The following HEBP1 variants were observed in gnomAD, a reference collection of about 807,000 sequenced individuals.
The protein encoded by HEBP1 is heme-binding protein 1.
HEBP1 carries 13 observed loss-of-function variants against 20.4 expected under a neutral mutation model. That is an observed-to-expected ratio of 0.64 (90% CI 0.42 to 1.01). HEBP1 has a LOEUF of 1.01. Among genes scored for constraint, HEBP1 ranks in the 50% least tolerant of loss-of-function variants. HEBP1 has a pLI of 0.00. For synonymous variants in HEBP1, 92 were observed against 90.7 expected (o/e 1.01, Z -0.08); for missense variants, 241 against 247.3 (o/e 0.97, Z 0.17).
At chr12:12,993,952 T>C (rs368316151) in intron 1 of HEBP1, among the ~76,000 whole-genome samples, 1 of 152,344 alleles carries the variant, frequency 6.6e-6, no homozygotes, top group South Asian at 2.1e-4. Context: ...GAGGTCAAGC[T>C]GACTTTGAGG....
intron 2 of HEBP1, among the ~76,000 whole-genome samples, chr12:12,987,614 C>CTCTCTCTCTCTCTCTCTCTCTCTCTT (rs1565493018): frequency 9.4e-5 from 8 of 84,780 alleles, no homozygotes; most frequent in Non-Finnish European, 2.6e-4. Flanking sequence ...CTCTCTCTTT[C>CTCTCTCTCTCTCTCTCTCTCTCTCTT]TCTCTCTCTC....
intron 1 of HEBP1, among the ~76,000 whole-genome samples, chr12:12,993,106 CTTTT>C (rs1018719147): frequency 7.1e-4 from 108 of 152,074 alleles, no homozygotes; most frequent in African/African-American, 2.6e-3. Context: ...CTCTGTCTTT[CTTTT>C]TTTCTTTCGT....
rs1864319738 is a variant in HEBP1 at position 12,998,755 on chromosome 12, G to A, written c.78+1282C>T. On this transcript the variant is annotated intron_variant, in intron 1 of 3. Transcript: ENST00000014930. This position sits in a 1 kb window ranked among gnomAD's most constrained non-coding sequence, Gnocchi z 4.2. ...CTTTCACAAATGAGGCATCGTATTG[G>A]GAGCTCTGTATACAGCTGCACTGTT... Among the ~76,000 whole-genome samples, 1 of 152,178 alleles carries A rather than the reference G, an allele frequency of 6.6e-6. No homozygotes were observed. The highest frequency in any genetic ancestry group is 2.1e-4 in the South Asian group (1 of 4,832).
chr12:12,978,424 A>G (rs1864028820), intron 3 of HEBP1, among the ~76,000 whole-genome samples: 1 of 151,930 alleles, frequency 6.6e-6, no homozygotes, highest in Admixed American at 6.6e-5. Context: ...GCTGGTCTCA[A>G]ACTCCTGACC....
At chr12:12,990,604 A>C (rs956932960) in intron 1 of HEBP1, among the ~76,000 whole-genome samples, 5 of 152,206 alleles carry the variant, frequency 3.3e-5, no homozygotes, top group Non-Finnish European at 7.3e-5. Context: ...TAATTGTAGG[A>C]AGGAATTCAG....
chr12:12,978,541 T>C (rs60455137), intron 3 of HEBP1, among the ~76,000 whole-genome samples: 6,515 of 151,938 alleles, frequency 0.043, 444 homozygotes, highest in African/African-American at 0.15. Flanking sequence ...CACGATCCAA[T>C]TGTGCTTTGG....
At position 12,975,125 on chromosome 12, in the gene HEBP1, G is replaced by A. The variant is rs1409539768; in HGVS notation, c.*183C>T. On this transcript the variant is annotated 3_prime_UTR_variant, in exon 4 of 4. Transcript: ENST00000014930. ...TATCTTGGCTGTATTATTTCCTACT[G>A]TGAGAAAAGAGACTTAGTATATGGA... is the stretch of plus-strand genomic sequence containing the variant. 9.3e-6 allele frequency: 5 copies of A among 540,394 alleles called. No homozygotes were observed. Among genetic ancestry groups the A allele is most frequent in the African/African-American group, 4.0e-5 (2 of 50,320 alleles). The allele number at this position is 540,394 out of a possible 1,614,324, so 33.5% of individuals were successfully genotyped here. A position where few individuals can be genotyped will look rare whatever the true frequency, so the allele number is the denominator to read the frequency against.
At chr12:12,980,456 G>C (rs117338536) in intron 3 of HEBP1, 1 of 152,142 alleles carries the variant, frequency 6.6e-6, no homozygotes, top group Non-Finnish European at 1.5e-5. Flanking sequence ...GAACATGAAG[G>C]GAAGGTATTA....
chr12:12,993,841 TA>T (rs1332263031), intron 1 of HEBP1, among the ~76,000 whole-genome samples: 1 of 152,154 alleles, frequency 6.6e-6, no homozygotes, highest in Non-Finnish European at 1.5e-5. Context: ...CATCTAATGA[TA>T]TTTTTAGGGG....
At chr12:12,988,519 G>A (rs1240679555) in intron 2 of HEBP1, among the ~76,000 whole-genome samples, 1 of 152,110 alleles carries the variant, frequency 6.6e-6, no homozygotes, top group African/African-American at 2.4e-5. Flanking sequence ...GCTAACACAC[G>A]TTTTTAGCTC....
intron 1 of HEBP1, among the ~76,000 whole-genome samples, chr12:12,997,587 C>G (rs564764830): frequency 1.3e-5 from 2 of 152,196 alleles, no homozygotes; most frequent in South Asian, 4.2e-4. Context: ...TTTTTATCTC[C>G]CAGTAGAGAC....
At position 12,998,183 on chromosome 12, in the gene HEBP1, T is replaced by C. The variant is rs187396824; in HGVS notation, c.78+1854A>G. Among the ~76,000 whole-genome samples the C allele has an allele frequency of 2.6e-5, 4 of 152,278 alleles. No individual in the cohort carries two copies. Among genetic ancestry groups the C allele is most frequent in the Admixed American group, 2.6e-4 (4 of 15,292 alleles). On this transcript the variant is annotated intron_variant, in intron 1 of 3. Coordinates refer to ENST00000014930, the MANE Select transcript of HEBP1 (RefSeq NM_015987.5). This position sits in a 1 kb window ranked among gnomAD's most constrained non-coding sequence, Gnocchi z 4.2. Reference sequence around the variant, plus strand: ...ACAGCACTGATCACTATCTGATCCATGATACATTTTATTTGTTCATTAGCC... The same window carrying C: ...ACAGCACTGATCACTATCTGATCCACGATACATTTTATTTGTTCATTAGCC...
chr12:12,987,918 G>T (rs1472148140), intron 2 of HEBP1, among the ~76,000 whole-genome samples: 1 of 152,158 alleles, frequency 6.6e-6, no homozygotes, highest in Admixed American at 6.5e-5. Flanking sequence ...TTACAGGTGT[G>T]AGCCACCATG....
chr12:12,981,629 C>T (rs1170796698), intron 3 of HEBP1, among the ~76,000 whole-genome samples: 1 of 152,208 alleles, frequency 6.6e-6, no homozygotes, highest in Admixed American at 6.5e-5. Flanking sequence ...TGTCACCCAT[C>T]TATCCAGATG....
intron 2 of HEBP1, 66 bp downstream of exon 2, chr12:12,989,211 C>T: frequency 6.4e-7 from 1 of 1,563,960 alleles, no homozygotes; most frequent in Non-Finnish European, 8.8e-7. Context: ...GCATTTACCA[C>T]TGATGAAGTG....
chr12:12,982,752 T>C (rs1864102801), intron 3 of HEBP1, among the ~76,000 whole-genome samples: 1 of 152,228 alleles, frequency 6.6e-6, no homozygotes. Context: ...TTCATAATTA[T>C]TGGAGCTGAG....
rs1189416172 is a variant in HEBP1, at chr12:12,998,264, C to A, written c.78+1773G>T. Among the ~76,000 whole-genome samples the A allele has an allele frequency of 1.3e-5, 2 of 152,036 alleles. No homozygotes were observed. Among genetic ancestry groups the A allele is most frequent in the Admixed American group, 6.6e-5 (1 of 15,256 alleles). The stretch of plus-strand genomic sequence containing the variant: ...ATTTTGCTGGTTTTAATCTTTTATC[C>A]CATTGCCTAGAAGAGTGCCTGGCAC... On this transcript the variant is annotated intron_variant, in intron 1 of 3. Transcript: ENST00000014930. This position sits in a 1 kb window ranked among gnomAD's most constrained non-coding sequence, Gnocchi z 4.2.
intron 3 of HEBP1, chr12:12,980,194 A>C (rs2136539034): frequency 6.6e-6 from 1 of 152,356 alleles, no homozygotes; most frequent in East Asian, 1.9e-4. Flanking sequence ...TTCACACAAT[A>C]AGCGTTTCAT....
chr12:12,989,134 C>T, intron 2 of HEBP1, 143 bp downstream of exon 2: 1 of 819,356 alleles, frequency 1.2e-6, no homozygotes, highest in East Asian at 2.5e-5. Context: ...ACTGCTTGTT[C>T]ACACAGTGCA....
Sources: gnomAD v4.1 joint callset for allele counts (sites outside exome capture counted in the v4.1 genomes callset) on GRCh38, gnomAD v4.1.1 for gene constraint, Gnocchi (gnomAD v3.1) non-coding constraint, MANE v1.5 for transcripts, NCBI Gene and HGNC (gene_info 2026-07-23, HGNC 2026-07-21) for gene names.